The following KIF9 variants were observed in gnomAD, a reference collection of about 807,000 sequenced individuals.
KIF9 encodes the protein kinesin family member 9.
A neutral mutation model predicts 94.8 loss-of-function variants in KIF9; 68 were observed. That is an observed-to-expected ratio of 0.72 (90% CI 0.59 to 0.88). KIF9 has a LOEUF of 0.88. KIF9 is among the 40% of genes least tolerant of loss of function. The pLI is 0.00. For synonymous variants in KIF9, 343 were observed against 362.1 expected, an observed-to-expected ratio of 0.95 and a Z score of 0.60; for missense variants, 882 against 982.5, an observed-to-expected ratio of 0.90 and a Z score of 1.37.
At chr3:47,241,068 G>A in intron 16 of KIF9, 53 bp from the exon 17 acceptor site, 2 of 1,501,820 alleles carry the variant, frequency 1.3e-6, no homozygotes, top group Non-Finnish European at 1.9e-6. Context: ...CTGCCTTGGA[G>A]CCACCAGGCA....
intron 18 of KIF9, 109 bp downstream of exon 18, chr3:47,236,334 C>A: frequency 7.7e-7 from 1 of 1,291,290 alleles, no homozygotes; most frequent in Non-Finnish European, 1.1e-6. Flanking sequence ...TGCCCAGCCC[C>A]TGGCTCTGCC....
intron 5 of KIF9, among the ~76,000 whole-genome samples, chr3:47,269,768 ATTTTTTTT>A (rs36108313): frequency 1.3e-3 from 116 of 86,440 alleles, no homozygotes; most frequent in African/African-American, 3.7e-3. Flanking sequence ...CTCCCAGCTA[ATTTTTTTT>A]TTTTTTTTTT....
chr3:47,263,982 G>A (rs1559455706), intron 9 of KIF9: 3 of 512,188 alleles, frequency 5.9e-6, no homozygotes, highest in Non-Finnish European at 3.8e-6. Flanking sequence ...AATTCCAGGA[G>A]CAGCACCCCA....
chr3:47,264,184 G>A (rs913557665), intron 9 of KIF9, 102 bp downstream of exon 9: 1 of 878,398 alleles, frequency 1.1e-6, no homozygotes, highest in Non-Finnish European at 1.9e-6. Context: ...TCTTGACAAT[G>A]TCTATGGCCA....
chr3:47,228,474 G>C lies in KIF9; in HGVS notation c.*178C>G, dbSNP rs147931108. 1,972 of 670,018 alleles carry C rather than the reference G, an allele frequency of 2.9e-3. 7 individuals are homozygous for C. Among genetic ancestry groups the C allele is most frequent in the Non-Finnish European group, 3.7e-3 (1,365 of 368,716 alleles). 41.5% of individuals were successfully genotyped at this position (670,018 alleles called of 1,614,324 possible). A position where few individuals can be genotyped will look rare whatever the true frequency, so the allele number is the denominator to read the frequency against. On this transcript the variant is annotated 3_prime_UTR_variant, in exon 21 of 21. Coordinates refer to ENST00000684063, the MANE Select transcript of KIF9 (RefSeq NM_182902.4). Reference sequence around the variant, plus strand: ...ATTAAAACCCAAAGTGCTCTGTGGAGATGAGCAAGGTTGTCCTTGGAGGAT... The same window carrying C: ...ATTAAAACCCAAAGTGCTCTGTGGACATGAGCAAGGTTGTCCTTGGAGGAT...
At chr3:47,270,975 CAAAAAAAA>C (rs35244035) in intron 5 of KIF9, among the ~76,000 whole-genome samples, 6 of 90,972 alleles carry the variant, frequency 6.6e-5, no homozygotes, top group Non-Finnish European at 1.0e-4. Context: ...CTTGTCTCTA[CAAAAAAAA>C]AAAAAAAAAA....
intron 2 of KIF9, among the ~76,000 whole-genome samples, chr3:47,275,699 G>A (rs549363218): frequency 6.6e-6 from 1 of 152,340 alleles, no homozygotes; most frequent in Admixed American, 6.5e-5. Flanking sequence ...GATCAGGAGA[G>A]TGGAGCACTT....
intron 3 of KIF9, among the ~76,000 whole-genome samples, chr3:47,274,341 C>T (rs527655847): frequency 7.9e-5 from 12 of 152,226 alleles, no homozygotes; most frequent in Non-Finnish European, 1.6e-4. Flanking sequence ...GGGACACAAA[C>T]CATGCAGTCA....
chr3:47,279,160 C>CA (rs55779664), intron 1 of KIF9, among the ~76,000 whole-genome samples: 27 of 54,870 alleles, frequency 4.9e-4, no homozygotes, highest in Middle Eastern at 0.01. Flanking sequence ...GACCATATCT[C>CA]AAAAAAAAAA....
Position 47,275,486 on chromosome 3 carries a change from A to T in KIF9, c.98T>A (p.Ile33Asn). The stretch of plus-strand genomic sequence containing the variant: ...AATGTCTTTTTTTAAGTGAATATCA[A>T]TGCTCTAGGAAAAAAGAGTGAGAAA... The part of the protein sequence containing the change: ...MIRYGDDKRS[I>N]DIHLKKDIRR... Residue 33 changes from isoleucine to asparagine, a missense_variant, in exon 3 of 21, where the codon ATT becomes AAT. Ile to Asn is a moderately radical substitution (Grantham distance 149, BLOSUM62 -3). Transcript: ENST00000684063. 6.3e-7 allele frequency: 1 copy of T among 1,598,558 alleles called. No individual in the cohort carries two copies. Among genetic ancestry groups the T allele is most frequent in the African/African-American group, 1.4e-5 (1 of 74,010 alleles).
rs375774821 is a variant in KIF9, at chr3:47,277,297, G to A, written c.78C>T (p.Tyr26=). The change falls in exon 2 of 21, where the codon TAC becomes TAT. Residue 26 remains tyrosine, a synonymous_variant. Coordinates refer to ENST00000684063, the MANE Select transcript of KIF9 (RefSeq NM_182902.4). Reference sequence around the variant, plus strand: ...TCGCACTTACTCTTTTGTCATCTCCGTATCTGATCATTTCATGAGCAAAGT... The same window carrying A: ...TCGCACTTACTCTTTTGTCATCTCCATATCTGATCATTTCATGAGCAAAGT... ...TDDFAHEMIR[Y]GDDKRSIDIH... 195 of 1,613,580 alleles carry A rather than the reference G, an allele frequency of 1.2e-4. 1 individual carries two copies. Among genetic ancestry groups the A allele is most frequent in the South Asian group, 9.9e-4 (90 of 91,056 alleles).
At chr3:47,262,624 T>G (rs1701052486) in intron 9 of KIF9, among the ~76,000 whole-genome samples, 1 of 152,140 alleles carries the variant, frequency 6.6e-6, no homozygotes, top group Non-Finnish European at 1.5e-5. Context: ...AGCCTTCCTC[T>G]GGGGATGCTG....
intron 20 of KIF9, among the ~76,000 whole-genome samples, chr3:47,235,239 A>G (rs1008629965): frequency 6.6e-6 from 1 of 152,192 alleles, no homozygotes; most frequent in Non-Finnish European, 1.5e-5. Context: ...GACAGGTGGA[A>G]GCCTCAGGGG....
intron 9 of KIF9, among the ~76,000 whole-genome samples, chr3:47,262,295 T>C (rs1701029006): frequency 6.6e-6 from 1 of 151,812 alleles, no homozygotes; most frequent in Non-Finnish European, 1.5e-5. Context: ...TTCTTTTCTT[T>C]TGAGATGGAG....
intron 1 of KIF9, among the ~76,000 whole-genome samples, chr3:47,279,821 G>A (rs1702220095): frequency 6.6e-6 from 1 of 152,082 alleles, no homozygotes; most frequent in Admixed American, 6.5e-5. Flanking sequence ...GTTTCACCGT[G>A]TTAGCCAGGA....
At chr3:47,272,004 C>G (rs1009683983) in intron 4 of KIF9, among the ~76,000 whole-genome samples, 1 of 152,142 alleles carries the variant, frequency 6.6e-6, no homozygotes, top group African/African-American at 2.4e-5. Context: ...CCTGTAGTCC[C>G]AGCGACTCGG....
chr3:47,256,241 C>A (rs1460818960), intron 10 of KIF9, among the ~76,000 whole-genome samples: 1 of 151,832 alleles, frequency 6.6e-6, no homozygotes. Flanking sequence ...ATGTGAGGAG[C>A]CCCTCTGCCT....
chr3:47,241,845 TATATATATATATATATACAC>T (rs1699550021), intron 16 of KIF9, among the ~76,000 whole-genome samples: 1 of 103,184 alleles, frequency 9.7e-6, no homozygotes, highest in African/African-American at 3.2e-5. Flanking sequence ...ATATATAAAA[TATATATATATATATATACAC>T]ATATATATAT....
chr3:47,247,711 G>T (rs906616781), intron 11 of KIF9, among the ~76,000 whole-genome samples: 2 of 152,168 alleles, frequency 1.3e-5, no homozygotes, highest in African/African-American at 4.8e-5. Context: ...CCTCAGACAT[G>T]GGTCCTGCTA....
Sources: allele counts gnomAD v4.1 joint callset (sites outside exome capture counted in the v4.1 genomes callset), GRCh38; gene constraint gnomAD v4.1.1; transcripts MANE v1.5; gene names NCBI Gene and HGNC (gene_info 2026-07-23, HGNC 2026-07-21).